Variants in PCOLCE2 observed in about 807,000 individuals in gnomAD.
PCOLCE2 encodes procollagen C-endopeptidase enhancer 2.
PCOLCE2 carries 42 observed loss-of-function variants against 47.0 expected under a neutral mutation model. The ratio of observed to expected loss-of-function variants is 0.89; its 90% CI spans 0.70 to 1.16. The LOEUF is 1.16. PCOLCE2 is among the 50% of genes most tolerant of loss of function. The pLI is 0.00. For missense variants in PCOLCE2, 500 were observed against 526.1 expected (o/e 0.95, Z 0.49); for synonymous variants, 169 against 191.7 (o/e 0.88, Z 0.98).
rs1937123586 is a variant in PCOLCE2 at position 142,829,691 on chromosome 3, C to T, written c.865+1G>A. 2 of 1,568,272 alleles carry T rather than the reference C, an allele frequency of 1.3e-6. No homozygotes were observed. The highest frequency in any genetic ancestry group is 2.3e-5 in the East Asian group (1 of 44,056). The stretch of plus-strand genomic sequence containing the variant: ...ACAAACTTCCAAACAGGAAAACTTA[C>T]CCGTGGTTACAGGGAATGTGGTGGT... On this transcript the variant is annotated splice_donor_variant, in intron 6 of 8. Transcript: ENST00000295992. LOFTEE classifies it high-confidence loss of function.
intron 6 of PCOLCE2, among the ~76,000 whole-genome samples, chr3:142,826,297 G>A (rs1383767535): frequency 1.3e-5 from 2 of 152,068 alleles, no homozygotes; most frequent in Non-Finnish European, 2.9e-5. Context: ...GTAAGCCACC[G>A]CACCTAGCCG....
In PCOLCE2 at chr3:142,827,627, C is replaced by T. The variant is rs566255653; in HGVS notation, c.865+2065G>A. ...ATACACAAACTGGCCCGTGTGAATG[C>T]CCTCGGCAGCAATGAAAAGCTCCGT... On this transcript the variant is annotated intron_variant, in intron 6 of 8. Coordinates refer to ENST00000295992, the MANE Select transcript of PCOLCE2 (RefSeq NM_013363.4). 4.1e-6 allele frequency: 6 copies of T among 1,470,392 alleles called. No individual in the cohort carries two copies. In the South Asian group the frequency reaches 5.7e-5, roughly 14 times the overall value. The allele number at this position is 1,470,392 out of a possible 1,614,324, so 91.1% of individuals were successfully genotyped here.
chr3:142,823,606 G>A lies in PCOLCE2; in HGVS notation c.875C>T (p.Pro292Leu). The A allele has an allele frequency of 1.3e-6, 2 of 1,599,070 alleles. No individual in the cohort carries two copies. Among genetic ancestry groups the A allele is most frequent in the South Asian group, 1.1e-5 (1 of 90,310 alleles). Residue 292 changes from proline to leucine, a missense_variant, in exon 7 of 9, where the codon CCC becomes CTC. Transcript: ENST00000295992. ...TTFPVTTGLK[P>L]TVALCQQKCR... Reference sequence around the variant, plus strand: ...CTTTTGTTGACACAAGGCCACGGTGGGTTTTAAACCTTAATTCAAAGAAGA... The same window carrying A: ...CTTTTGTTGACACAAGGCCACGGTGAGTTTTAAACCTTAATTCAAAGAAGA...
intron 5 of PCOLCE2, among the ~76,000 whole-genome samples, chr3:142,837,937 C>T (rs1315382550): frequency 6.6e-6 from 1 of 152,194 alleles, no homozygotes; most frequent in Non-Finnish European, 1.5e-5. Flanking sequence ...CATAAGGCCT[C>T]AAACAGTCCA....
At chr3:142,818,718 C>T (rs1578025617) in intron 8 of PCOLCE2, among the ~76,000 whole-genome samples, 1 of 152,146 alleles carries the variant, frequency 6.6e-6, no homozygotes, top group Non-Finnish European at 1.5e-5. Flanking sequence ...GTAGCTGGGA[C>T]TACAGGCACA....
chr3:142,866,799 A>G (rs1933291780), intron 2 of PCOLCE2, among the ~76,000 whole-genome samples: 1 of 152,216 alleles, frequency 6.6e-6, no homozygotes, highest in Non-Finnish European at 1.5e-5. Context: ...GCAGCCCCCA[A>G]AACATTTCTT....
intron 2 of PCOLCE2, among the ~76,000 whole-genome samples, chr3:142,854,651 G>A (rs35492141): frequency 0.093 from 14,111 of 152,094 alleles, 879 homozygotes; most frequent in African/African-American, 0.18. Context: ...TAGAAGGGGC[G>A]TGGAAACTCC....
At chr3:142,837,505 A>C (rs2108191696) in intron 5 of PCOLCE2, among the ~76,000 whole-genome samples, 1 of 152,216 alleles carries the variant, frequency 6.6e-6, no homozygotes, top group East Asian at 1.9e-4. Context: ...AAATATGTCA[A>C]TGAAAAACCA....
chr3:142,870,860 A>G (rs1213265190), intron 2 of PCOLCE2, among the ~76,000 whole-genome samples: 2 of 152,140 alleles, frequency 1.3e-5, no homozygotes, highest in East Asian at 3.8e-4. Flanking sequence ...GACTCACACC[A>G]GCTGCCATTT....
intron 1 of PCOLCE2, chr3:142,888,544 A>C (rs966260657): frequency 2.6e-6 from 1 of 381,270 alleles, no homozygotes; most frequent in Admixed American, 4.6e-5. Context: ...AGTCAGATTA[A>C]GCCCCGCCAC....
intron 2 of PCOLCE2, among the ~76,000 whole-genome samples, chr3:142,886,207 G>A (rs1933715308): frequency 6.6e-6 from 1 of 152,176 alleles, no homozygotes; most frequent in African/African-American, 2.4e-5. Flanking sequence ...ATCAAGGAAA[G>A]CTTTCACTGG....
chr3:142,823,579 C>T lies in PCOLCE2; in HGVS notation c.902G>A (p.Cys301Tyr), dbSNP rs888319911. Reference protein sequence around the residue: ...KPTVALCQQKCRRTGTLEGNY... With the variant: ...KPTVALCQQKYRRTGTLEGNY... ...GCCCTCCAGAGTCCCCGTCCGTCTA[C>T]ACTTTTGTTGACACAAGGCCACGGT... The change falls in exon 7 of 9, where the codon TGT (cysteine) becomes TAT (tyrosine). Residue 301 changes from cysteine (C) to tyrosine (Y), a missense_variant. Cys to Tyr is a radical substitution (Grantham distance 194). Transcript: ENST00000295992. The T allele has an allele frequency of 2.5e-6, 4 of 1,611,526 alleles. No homozygotes were observed. In the African/African-American group the frequency reaches 4.0e-5, roughly 16 times the overall value.
intron 6 of PCOLCE2, among the ~76,000 whole-genome samples, chr3:142,824,246 G>A (rs532663157): frequency 2.6e-5 from 4 of 152,040 alleles, no homozygotes; most frequent in African/African-American, 4.8e-5. Flanking sequence ...TACGGGTGAC[G>A]TTGCCCCCAG....
At chr3:142,879,805 TA>T (rs199775800) in intron 2 of PCOLCE2, among the ~76,000 whole-genome samples, 8,045 of 151,620 alleles carry the variant, frequency 0.053, 243 homozygotes, top group African/African-American at 0.071. Context: ...CCGCCTCTAC[TA>T]AAAAATACAA....
intron 6 of PCOLCE2, chr3:142,827,821 C>T (rs967718086): frequency 2.1e-5 from 12 of 568,654 alleles, no homozygotes; most frequent in Non-Finnish European, 3.7e-5. Flanking sequence ...ATCTCACGGA[C>T]ACCTCAAACC....
At chr3:142,822,852 A>T (rs1399310150) in intron 7 of PCOLCE2, among the ~76,000 whole-genome samples, 1 of 152,238 alleles carries the variant, frequency 6.6e-6, no homozygotes, top group Non-Finnish European at 1.5e-5. Context: ...AAATGTATTT[A>T]GGCCATAGCA....
In PCOLCE2 at chr3:142,858,613, TG is replaced by T. The variant is rs547331643; in HGVS notation, c.193-10142del. Among the ~76,000 whole-genome samples, 169 of 152,088 alleles carry T rather than the reference TG, an allele frequency of 1.1e-3. 1 individual carries two copies. In the Middle Eastern group the frequency reaches 0.024, roughly 21 times the overall value. ...GCTGGCAGTGCCTCCCTGGGGTAAG[TG>T]GGGGGGTCCCACTAAGACATGTGAG... On this transcript the variant is annotated intron_variant, in intron 2 of 8. Coordinates refer to ENST00000295992, the MANE Select transcript of PCOLCE2 (RefSeq NM_013363.4).
intron 2 of PCOLCE2, among the ~76,000 whole-genome samples, chr3:142,869,117 C>T (rs1302081918): frequency 6.6e-6 from 1 of 152,110 alleles, no homozygotes; most frequent in East Asian, 1.9e-4. Context: ...CGGTGAAACC[C>T]CATCTCTACT....
chr3:142,885,359 G>A (rs577301998), intron 2 of PCOLCE2, among the ~76,000 whole-genome samples: 26 of 152,232 alleles, frequency 1.7e-4, no homozygotes, highest in African/African-American at 5.8e-4. Context: ...CATCTCCAGC[G>A]GCCTCTGTGA....
Sources: allele counts gnomAD v4.1 joint callset (sites outside exome capture counted in the v4.1 genomes callset), GRCh38; gene constraint gnomAD v4.1.1; transcripts MANE v1.5; gene names NCBI Gene and HGNC (gene_info 2026-07-23, HGNC 2026-07-21).